The following ZNF536 variants were observed in gnomAD, a reference collection of about 807,000 sequenced individuals.
ZNF536 encodes zinc finger protein 536.
Under a neutral mutation model 84.5 loss-of-function variants are expected in ZNF536, and 13 were observed. That is an observed-to-expected ratio of 0.15 (90% CI 0.10 to 0.24). The LOEUF is 0.24. Among genes scored for constraint, ZNF536 ranks in the 10% least tolerant of loss-of-function variants. The probability of loss-of-function intolerance (pLI) is 1.00; values close to 1 mark genes in which losing one functional copy is unlikely to be tolerated. For missense variants in ZNF536, 1,536 were observed against 1,747.5 expected (o/e 0.88, Z 2.16); for synonymous variants, 811 against 742.5 (o/e 1.09, Z -1.50).
chr19:30,356,907 A>C (rs2146807582), intron 3 of ZNF536, among the ~76,000 whole-genome samples: 1 of 152,246 alleles, frequency 6.6e-6, no homozygotes, highest in Middle Eastern at 3.4e-3. Context: ...GCTCTTCCTG[A>C]CCTCAGAGCC....
At chr19:30,424,617 G>C (rs759496680) in intron 1 of ZNF536, among the ~76,000 whole-genome samples, 1 of 151,044 alleles carries the variant, frequency 6.6e-6, no homozygotes, top group African/African-American at 2.4e-5. Context: ...GGGGAGGATG[G>C]ATGCAAAAAA....
intron 1 of ZNF536, among the ~76,000 whole-genome samples, chr19:30,678,740 C>CT (rs1555835780): frequency 1.5e-4 from 23 of 150,440 alleles, no homozygotes; most frequent in East Asian, 6.0e-4. Flanking sequence ...CAAGCCCCCC[C>CT]ACACACACCT....
intron 1 of ZNF536, among the ~76,000 whole-genome samples, chr19:30,640,562 C>A (rs921822456): frequency 5.9e-5 from 9 of 152,162 alleles, no homozygotes; most frequent in African/African-American, 2.2e-4. Context: ...AAGATTGTGC[C>A]TCGCAAGAGT....
At chr19:30,427,773 T>C (rs1262617609) in intron 1 of ZNF536, among the ~76,000 whole-genome samples, 1 of 152,188 alleles carries the variant, frequency 6.6e-6, no homozygotes, top group East Asian at 1.9e-4. Context: ...GTAATGTCTC[T>C]GGGCTCCTGA....
chr19:30,658,672 T>C (rs2147542772), intron 1 of ZNF536, among the ~76,000 whole-genome samples: 1 of 152,326 alleles, frequency 6.6e-6, no homozygotes, highest in East Asian at 1.9e-4. Flanking sequence ...CCATTTTAAC[T>C]TCTTAGCAGT....
intron 1 of ZNF536, among the ~76,000 whole-genome samples, chr19:30,646,820 G>A (rs77436735): frequency 3.3e-5 from 5 of 152,040 alleles, no homozygotes; most frequent in South Asian, 4.2e-4. Flanking sequence ...ATTCCACCAC[G>A]TTTGGGCGCA....
intron 3 of ZNF536, among the ~76,000 whole-genome samples, chr19:30,359,657 T>A (rs2048211573): frequency 6.6e-6 from 1 of 152,108 alleles, no homozygotes; most frequent in East Asian, 1.9e-4. Context: ...AGGGAGGGGA[T>A]GGCCAAGTTC....
At chr19:30,381,077 T>G (rs1187787884) in intron 1 of ZNF536, among the ~76,000 whole-genome samples, 1 of 152,084 alleles carries the variant, frequency 6.6e-6, no homozygotes, top group Admixed American at 6.5e-5. Context: ...AGGGTCTTGC[T>G]ATGTTGCCCA....
At chr19:30,297,101 C>T (rs1005615922) in intron 2 of ZNF536, among the ~76,000 whole-genome samples, 1 of 152,184 alleles carries the variant, frequency 6.6e-6, no homozygotes, top group Non-Finnish European at 1.5e-5. Flanking sequence ...CATCTCCCTC[C>T]TCCTCCAAGA....
intron 1 of ZNF536, among the ~76,000 whole-genome samples, chr19:30,635,066 G>GT (rs1443730985): frequency 3.8e-3 from 78 of 20,302 alleles, no homozygotes; most frequent in African/African-American, 9.3e-3. Context: ...GAAGAAAGCT[G>GT]GGTGTGTGTG....
At chr19:30,491,433 C>T (rs1043797625) in intron 2 of ZNF536, among the ~76,000 whole-genome samples, 3 of 152,148 alleles carry the variant, frequency 2.0e-5, no homozygotes, top group Non-Finnish European at 4.4e-5. Flanking sequence ...CAGAGTCCCT[C>T]TCCAGTTATC....
chr19:30,650,826 G>A (rs2049673941), intron 1 of ZNF536, among the ~76,000 whole-genome samples: 1 of 152,212 alleles, frequency 6.6e-6, no homozygotes, highest in African/African-American at 2.4e-5. Context: ...ATGAAAATAT[G>A]TGTTAAAATG....
chr19:30,316,145 T>C (rs1284256144), intron 2 of ZNF536, among the ~76,000 whole-genome samples: 1 of 152,226 alleles, frequency 6.6e-6, no homozygotes, highest in African/African-American at 2.4e-5. Flanking sequence ...AGAAGTAGCA[T>C]TGCAGAATCA....
chr19:30,511,280 C>T (rs2055404474), intron 2 of ZNF536, among the ~76,000 whole-genome samples: 2 of 152,142 alleles, frequency 1.3e-5, no homozygotes, highest in Admixed American at 1.3e-4. Flanking sequence ...TGACTCCTTC[C>T]CTTGTCTGAT....
intron 1 of ZNF536, among the ~76,000 whole-genome samples, chr19:30,434,330 G>A (rs1400479509): frequency 6.6e-6 from 1 of 152,218 alleles, no homozygotes; most frequent in Non-Finnish European, 1.5e-5. Flanking sequence ...TGCCTGCCAT[G>A]TCTGCCCCAC....
intron 1 of ZNF536, among the ~76,000 whole-genome samples, chr19:30,617,333 C>CCTTT (rs869192494): frequency 2.7e-5 from 1 of 37,710 alleles, no homozygotes; most frequent in Admixed American, 5.2e-4. Flanking sequence ...GAATAGCTTA[C>CCTTT]TTTTTTTTTT....
intron 1 of ZNF536, among the ~76,000 whole-genome samples, chr19:30,694,850 G>A (rs1314299857): frequency 1.3e-5 from 2 of 152,118 alleles, no homozygotes; most frequent in African/African-American, 4.8e-5. Context: ...GGTGGGCCGT[G>A]CCATCCCAGT....
At chr19:30,648,572 A>C (rs1327467458) in intron 1 of ZNF536, among the ~76,000 whole-genome samples, 1 of 152,152 alleles carries the variant, frequency 6.6e-6, no homozygotes, top group East Asian at 1.9e-4. Flanking sequence ...AAACAGCATC[A>C]GCCAACGTTT....
intron 2 of ZNF536, among the ~76,000 whole-genome samples, chr19:30,299,505 C>T (rs1302326746): frequency 6.6e-6 from 1 of 152,074 alleles, no homozygotes; most frequent in Non-Finnish European, 1.5e-5. Context: ...TAGCTTGATC[C>T]TTCAAAAGCC....
Sources: allele counts gnomAD v4.1 joint callset (sites outside exome capture counted in the v4.1 genomes callset), GRCh38; gene constraint gnomAD v4.1.1; transcripts MANE v1.5; gene names NCBI Gene and HGNC (gene_info 2026-07-23, HGNC 2026-07-21).